The following LDLRAD4 variants were observed in gnomAD, a reference collection of about 807,000 sequenced individuals.
LDLRAD4 encodes the protein low-density lipoprotein receptor class A domain-containing protein 4.
A neutral mutation model predicts 17.0 loss-of-function variants in LDLRAD4; 5 were observed. The ratio of observed to expected loss-of-function variants is 0.29; its 90% CI spans 0.15 to 0.62. The LOEUF (loss-of-function observed/expected upper bound fraction) is 0.62, where lower values mean the gene tolerates loss of function less well. LDLRAD4 is among the 20% of genes least tolerant of loss of function. The probability of loss-of-function intolerance (pLI) is 0.84; values close to 1 mark genes in which losing one functional copy is unlikely to be tolerated. For missense variants in LDLRAD4, 340 were observed against 424.7 expected, an observed-to-expected ratio of 0.80 and a Z score of 1.75; for synonymous variants, 168 against 171.8, an observed-to-expected ratio of 0.98 and a Z score of 0.17.
At chr18:13,630,995 C>CTG (rs1052740835) in intron 4 of LDLRAD4, among the ~76,000 whole-genome samples, 4 of 152,094 alleles carry the variant, frequency 2.6e-5, no homozygotes, top group African/African-American at 7.2e-5. Context: ...CTGGGGTCCT[C>CTG]TGTGTGTGTG....
chr18:13,272,396 C>T (rs906795975), intron 1 of LDLRAD4, among the ~76,000 whole-genome samples: 3 of 152,230 alleles, frequency 2.0e-5, no homozygotes, highest in Admixed American at 6.5e-5. Context: ...GGGTGGCCAT[C>T]GCCATTCCTT....
At chr18:13,233,620 G>C (rs2042191017) in intron 1 of LDLRAD4, among the ~76,000 whole-genome samples, 1 of 152,126 alleles carries the variant, frequency 6.6e-6, no homozygotes, top group Non-Finnish European at 1.5e-5. Flanking sequence ...GGTGTGGCCA[G>C]CTTCAGAGCC....
At chr18:13,648,141 C>A (rs997759076) in exon 6 of LDLRAD4, 1 of 152,272 alleles carries the variant, frequency 6.6e-6, no homozygotes, top group Non-Finnish European at 1.5e-5. Context: ...ACAGCTCTAG[C>A]TCTCAAATGG....
rs546788278 is a variant in LDLRAD4, at chr18:13,564,413, G to A, written c.182-56704G>A. Reference sequence around the variant, plus strand: ...CGCGTATACTGAAGCCATCCCCAGCGCTCGCCTTTGCCAGGTGGCCAGGCC... The same window carrying A: ...CGCGTATACTGAAGCCATCCCCAGCACTCGCCTTTGCCAGGTGGCCAGGCC... On this transcript the variant is annotated intron_variant, in intron 3 of 5. Transcript: ENST00000359446. 2.6e-3 allele frequency among the ~76,000 whole-genome samples: 391 copies of A among 151,426 alleles called. 4 individuals are homozygous for A. In the East Asian group the frequency reaches 0.033, roughly 13 times the overall value.
intron 1 of LDLRAD4, among the ~76,000 whole-genome samples, chr18:13,347,091 T>C (rs1472468164): frequency 1.3e-5 from 2 of 152,316 alleles, no homozygotes; most frequent in East Asian, 3.9e-4. Flanking sequence ...AATATTGTTA[T>C]GTGTGAATTT....
chr18:13,492,225 G>C (rs929890823), intron 3 of LDLRAD4, among the ~76,000 whole-genome samples: 1 of 152,188 alleles, frequency 6.6e-6, no homozygotes, highest in East Asian at 1.9e-4. Flanking sequence ...GGAAGGATGC[G>C]AGTGGCCTGC....
At chr18:13,607,038 A>C (rs1033369322) in intron 3 of LDLRAD4, among the ~76,000 whole-genome samples, 2 of 152,216 alleles carry the variant, frequency 1.3e-5, no homozygotes, top group African/African-American at 4.8e-5. Context: ...AAAGTAAGTC[A>C]TCATCAGTCC....
At chr18:13,532,458 G>A (rs1354703298) in intron 3 of LDLRAD4, among the ~76,000 whole-genome samples, 2 of 152,178 alleles carry the variant, frequency 1.3e-5, no homozygotes, top group Admixed American at 6.5e-5. Context: ...AGATACAAGC[G>A]ACCGCGTAGT....
intron 1 of LDLRAD4, among the ~76,000 whole-genome samples, chr18:13,322,052 A>G (rs1050976041): frequency 2.6e-5 from 4 of 151,582 alleles, no homozygotes; most frequent in South Asian, 2.1e-4. Context: ...CACAGAAAAT[A>G]TTAATTCACA....
At chr18:13,406,003 G>A (rs1213757856) in intron 2 of LDLRAD4, among the ~76,000 whole-genome samples, 1 of 152,194 alleles carries the variant, frequency 6.6e-6, no homozygotes, top group Non-Finnish European at 1.5e-5. Flanking sequence ...GATTCTTCCT[G>A]TGCAACTTTG....
chr18:13,480,365 G>A (rs985223387), intron 3 of LDLRAD4, among the ~76,000 whole-genome samples: 1 of 152,206 alleles, frequency 6.6e-6, no homozygotes, highest in Non-Finnish European at 1.5e-5. Flanking sequence ...TCTGGAATAG[G>A]CAAAACTGTA....
At chr18:13,304,217 A>G (rs1416442854) in intron 1 of LDLRAD4, among the ~76,000 whole-genome samples, 1 of 152,130 alleles carries the variant, frequency 6.6e-6, no homozygotes, top group Non-Finnish European at 1.5e-5. Flanking sequence ...TGGACCTTAG[A>G]TATTCCTAGA....
At chr18:13,611,583 C>T (rs1701186172) in intron 3 of LDLRAD4, 13 of 985,284 alleles carry the variant, frequency 1.3e-5, no homozygotes, top group African/African-American at 1.7e-5. Context: ...AAAGCGCCCT[C>T]CTGAGACATG....
At chr18:13,316,266 A>T (rs1342848232) in intron 1 of LDLRAD4, among the ~76,000 whole-genome samples, 1 of 152,258 alleles carries the variant, frequency 6.6e-6, no homozygotes, top group Non-Finnish European at 1.5e-5. Context: ...GGACAGCTCT[A>T]CGGCTGACAG....
intron 1 of LDLRAD4, chr18:13,366,163 T>G (rs2084042793): frequency 1.3e-5 from 2 of 152,200 alleles, no homozygotes; most frequent in Admixed American, 6.5e-5. Flanking sequence ...AGACTCGACC[T>G]CCTGGGCTCA....
chr18:13,497,284 C>T (rs1392121995), intron 3 of LDLRAD4, among the ~76,000 whole-genome samples: 1 of 152,180 alleles, frequency 6.6e-6, no homozygotes, highest in East Asian at 1.9e-4. Flanking sequence ...TCAAGCAATC[C>T]TCCTGCCTCA....
Position 13,278,199 on chromosome 18 carries a change from T to C in LDLRAD4, c.-383+11T>C, listed in dbSNP as rs2045012475. 1 of 152,248 alleles carries C rather than the reference T, an allele frequency of 6.6e-6. No homozygotes were observed. Among genetic ancestry groups the C allele is most frequent in the Non-Finnish European group, 1.5e-5 (1 of 68,064 alleles). The allele number at this position is 152,248 out of a possible 1,614,324, so 9.4% of individuals were successfully genotyped here. A position where few individuals can be genotyped will look rare whatever the true frequency, so the allele number is the denominator to read the frequency against. ...TGTATAGTGTAAAAGGTAAGTGGAATTACTTGTGACTGTTCTTTGTGATGA... is the reference window on the plus strand; with the variant it reads ...TGTATAGTGTAAAAGGTAAGTGGAACTACTTGTGACTGTTCTTTGTGATGA... On this transcript the variant is annotated intron_variant, in intron 1 of 5. Transcript: ENST00000359446.
At chr18:13,620,273 G>C (rs1486847955) in intron 3 of LDLRAD4, among the ~76,000 whole-genome samples, 3 of 152,362 alleles carry the variant, frequency 2.0e-5, no homozygotes, top group Admixed American at 2.0e-4. Flanking sequence ...ACAGTTGATG[G>C]CTTCTCTCTT....
At chr18:13,326,094 G>T (rs1026829873) in intron 1 of LDLRAD4, among the ~76,000 whole-genome samples, 3 of 152,088 alleles carry the variant, frequency 2.0e-5, no homozygotes, top group African/African-American at 7.2e-5. Flanking sequence ...ATGGTGACAT[G>T]TGGCTGATAG....
Sources: gnomAD v4.1 joint callset for allele counts (sites outside exome capture counted in the v4.1 genomes callset) on GRCh38, gnomAD v4.1.1 for gene constraint, MANE v1.5 for transcripts, NCBI Gene and HGNC (gene_info 2026-07-23, HGNC 2026-07-21) for gene names.